The following CTNND2 variants were observed in gnomAD, a reference collection of about 807,000 sequenced individuals.
The protein encoded by CTNND2 is catenin delta-2.
Under a neutral mutation model 144.4 loss-of-function variants are expected in CTNND2, and 22 were observed. The observed-to-expected ratio is 0.15, with a 90% confidence interval of 0.11 to 0.22. The LOEUF (loss-of-function observed/expected upper bound fraction) is 0.22. CTNND2 is among the 10% of genes least tolerant of loss of function. The probability of loss-of-function intolerance (pLI) is 1.00; values close to 1 mark genes in which losing one functional copy is unlikely to be tolerated. For synonymous variants in CTNND2, 751 were observed against 695.6 expected (o/e 1.08, Z -1.25); for missense variants, 1,353 against 1,618.8 (o/e 0.84, Z 2.82).
chr5:11,432,964 G>T (rs1763427893), intron 3 of CTNND2, among the ~76,000 whole-genome samples: 1 of 152,198 alleles, frequency 6.6e-6, no homozygotes, highest in Admixed American at 6.5e-5. Context: ...TTATTTACTA[G>T]CCGGGTGCAG....
intron 1 of CTNND2, among the ~76,000 whole-genome samples, chr5:11,791,345 C>T (rs144576734): frequency 2.4e-3 from 358 of 152,218 alleles, no homozygotes; most frequent in Non-Finnish European, 3.5e-3. Context: ...GGTTGTCAAG[C>T]AAACCAAGAG....
intron 18 of CTNND2, among the ~76,000 whole-genome samples, chr5:11,013,983 G>C (rs1024674501): frequency 2.6e-5 from 4 of 152,196 alleles, no homozygotes; most frequent in Non-Finnish European, 2.9e-5. Flanking sequence ...TGTTTCTTTT[G>C]CAAGGCAGAG....
At chr5:11,534,084 T>C (rs901340249) in intron 3 of CTNND2, among the ~76,000 whole-genome samples, 5 of 152,220 alleles carry the variant, frequency 3.3e-5, no homozygotes, top group African/African-American at 4.8e-5. Context: ...TATTCTTAAA[T>C]GGTAGGAATA....
At chr5:11,005,771 T>C (rs926789197) in intron 18 of CTNND2, among the ~76,000 whole-genome samples, 2 of 152,148 alleles carry the variant, frequency 1.3e-5, no homozygotes, top group Non-Finnish European at 2.9e-5. Context: ...GCAGATGTCA[T>C]GTGGGTAGTT....
chr5:11,842,162 C>A (rs923672920), intron 1 of CTNND2, among the ~76,000 whole-genome samples: 1 of 151,870 alleles, frequency 6.6e-6, no homozygotes, highest in African/African-American at 2.4e-5. Context: ...GCAGAGAACC[C>A]AGTCCCCTTT....
chr5:11,274,772 A>T (rs2149984110), intron 9 of CTNND2, among the ~76,000 whole-genome samples: 2 of 152,336 alleles, frequency 1.3e-5, no homozygotes, highest in African/African-American at 4.8e-5. Context: ...TAATCTAAGC[A>T]AAGGTTTATT....
At chr5:11,257,850 C>T (rs1249850492) in intron 9 of CTNND2, among the ~76,000 whole-genome samples, 1 of 152,174 alleles carries the variant, frequency 6.6e-6, no homozygotes, top group African/African-American at 2.4e-5. Context: ...TATAGCTCTG[C>T]AATACTGCAC....
At position 11,241,817 on chromosome 5, in the gene CTNND2, C is replaced by T. The variant is rs143666170; in HGVS notation, c.1629-4994G>A. On this transcript the variant is annotated intron_variant, in intron 9 of 21. Transcript: ENST00000304623. ...TTCAGTGTATAGTATGGTTTCTTCA[C>T]ATAAGGTCTTAATCCTTAAGGACAA... Among the ~76,000 whole-genome samples, 188 of 152,246 alleles carry T rather than the reference C, an allele frequency of 1.2e-3. 1 individual carries two copies. The highest frequency in any genetic ancestry group is 1.8e-3 in the Non-Finnish European group (121 of 68,020).
At chr5:11,482,872 G>A (rs375796573) in intron 3 of CTNND2, among the ~76,000 whole-genome samples, 2 of 152,116 alleles carry the variant, frequency 1.3e-5, no homozygotes, top group African/African-American at 4.8e-5. Flanking sequence ...GGAGTGAGGG[G>A]AGAGAGCAGG....
At chr5:11,840,167 A>G (rs978428767) in intron 1 of CTNND2, among the ~76,000 whole-genome samples, 6 of 152,210 alleles carry the variant, frequency 3.9e-5, no homozygotes, top group Non-Finnish European at 7.3e-5. Flanking sequence ...ACCTATAAAC[A>G]TAGAAAAACC....
intron 12 of CTNND2, among the ~76,000 whole-genome samples, chr5:11,129,121 TAA>T (rs372661592): frequency 0.14 from 2,386 of 16,796 alleles, 443 homozygotes; most frequent in Non-Finnish European, 0.19. Context: ...ATATTATATA[TAA>T]TATATATTTA....
rs971947316 is a variant in CTNND2 at position 11,364,904 on chromosome 5, A to G, written c.1178-14T>C. 1.9e-6 allele frequency: 3 copies of G among 1,604,128 alleles called. No homozygotes were observed. In the African/African-American group the frequency reaches 4.0e-5, roughly 22 times the overall value. On this transcript the variant is annotated splice_polypyrimidine_tract_variant and intron_variant, in intron 7 of 21. Coordinates refer to ENST00000304623, the MANE Select transcript of CTNND2 (RefSeq NM_001332.4). ...CTCGGGAACCAGCTGAAATAAATCAACAGAGGGACATCAAAGCTCAGGCGA... is the reference window on the plus strand; with the variant it reads ...CTCGGGAACCAGCTGAAATAAATCAGCAGAGGGACATCAAAGCTCAGGCGA...
chr5:11,118,738 C>A (rs1753798125), intron 12 of CTNND2, among the ~76,000 whole-genome samples: 1 of 152,288 alleles, frequency 6.6e-6, no homozygotes, highest in Admixed American at 6.5e-5. Context: ...TGAAATGAAT[C>A]TCCAGCCCGC....
intron 16 of CTNND2, among the ~76,000 whole-genome samples, chr5:11,058,917 A>G (rs1219069837): frequency 3.3e-5 from 5 of 152,186 alleles, no homozygotes; most frequent in African/African-American, 4.8e-5. Flanking sequence ...TCAGACTTGC[A>G]TGGGTCCTGT....
At chr5:11,837,637 A>T (rs911571251) in intron 1 of CTNND2, among the ~76,000 whole-genome samples, 3 of 152,206 alleles carry the variant, frequency 2.0e-5, no homozygotes, top group African/African-American at 7.2e-5. Context: ...TATCTTTAGG[A>T]ACAAGTCAGA....
chr5:11,757,785 G>C (rs80025101), intron 1 of CTNND2, among the ~76,000 whole-genome samples: 11,606 of 151,994 alleles, frequency 0.076, 1,185 homozygotes, highest in African/African-American at 0.23. Context: ...TCAAAGTAGT[G>C]TTGTTGTATT....
chr5:11,040,360 A>G (rs984342200), intron 16 of CTNND2, among the ~76,000 whole-genome samples: 1 of 152,258 alleles, frequency 6.6e-6, no homozygotes, highest in Non-Finnish European at 1.5e-5. Flanking sequence ...GAGTAACTCA[A>G]TCCTCTGAAA....
intron 16 of CTNND2, among the ~76,000 whole-genome samples, chr5:11,029,603 A>G (rs1209279579): frequency 2.0e-5 from 3 of 152,232 alleles, no homozygotes; most frequent in Non-Finnish European, 4.4e-5. Flanking sequence ...ACACAATTAC[A>G]TCTTTAAACA....
rs544617146 is a variant in CTNND2 at position 11,698,320 on chromosome 5, G to A, written c.174+33816C>T. Among the ~76,000 whole-genome samples, 184 of 146,328 alleles carry A rather than the reference G, an allele frequency of 1.3e-3. 3 individuals are homozygous for A. The highest frequency in any genetic ancestry group is 8.2e-4 in the Non-Finnish European group (55 of 67,168). Reference sequence around the variant, plus strand: ...TTTTTTTTTTTTGAGACGGAGTCTCGCTCTGTCGCCCAGGCTGGAATGCAG... The same window carrying A: ...TTTTTTTTTTTTGAGACGGAGTCTCACTCTGTCGCCCAGGCTGGAATGCAG... On this transcript the variant is annotated intron_variant, in intron 2 of 21. Coordinates refer to ENST00000304623, the MANE Select transcript of CTNND2 (RefSeq NM_001332.4).
Sources: gnomAD v4.1 joint callset for allele counts (sites outside exome capture counted in the v4.1 genomes callset) on GRCh38, gnomAD v4.1.1 for gene constraint, MANE v1.5 for transcripts, NCBI Gene and HGNC (gene_info 2026-07-23, HGNC 2026-07-21) for gene names.